CCNH: variants seen among roughly 807,000 people sequenced by gnomAD.
CCNH encodes the protein cyclin-H.
Under a neutral mutation model 41.9 loss-of-function variants are expected in CCNH, and 31 were observed. The observed-to-expected ratio is 0.74, with a 90% CI of 0.56 to 1.00. The LOEUF is 1.00. Ranked by LOEUF, CCNH falls within the 50% of genes least tolerant of loss-of-function variation. The pLI is 0.00. For missense variants in CCNH, 362 were observed against 388.4 expected (o/e 0.93, Z 0.57); for synonymous variants, 138 against 136.1 (o/e 1.01, Z -0.10).
chr5:87,374,063 C>T (rs1761140475), downstream of CCNH: 1 of 1,045,208 alleles, frequency 9.6e-7, no homozygotes, highest in Non-Finnish European at 1.2e-6. Flanking sequence ...GAAAATAAGT[C>T]ATTATTTTTG....
chr5:87,352,511 G>A (rs1759347712), intron 9 of CCNH, among the ~76,000 whole-genome samples: 1 of 151,192 alleles, frequency 6.6e-6, no homozygotes, highest in Non-Finnish European at 1.5e-5. Context: ...AAAAATACGT[G>A]GTTCACTAAA....
At chr5:87,394,224 G>GAT, downstream of CCNH, 1 of 1,193,654 alleles carries the variant, frequency 8.4e-7, no homozygotes, top group Non-Finnish European at 1.0e-6. Flanking sequence ...GCTTTAATTT[G>GAT]ATATTAGTCA....
chr5:87,347,359 A>G (rs905758567), intron 9 of CCNH, among the ~76,000 whole-genome samples: 1 of 152,014 alleles, frequency 6.6e-6, no homozygotes, highest in Non-Finnish European at 1.5e-5. Context: ...ATTGACTTGT[A>G]TTGTGGTTTT....
upstream of CCNH, chr5:87,378,631 T>C (rs1761487753): frequency 7.6e-7 from 1 of 1,311,134 alleles, no homozygotes; most frequent in Non-Finnish European, 1.1e-6. Context: ...GAAAATATAT[T>C]AAATTTCTAA....
intron 9 of CCNH, among the ~76,000 whole-genome samples, chr5:87,353,849 C>T (rs545960367): frequency 2.6e-5 from 4 of 152,210 alleles, no homozygotes; most frequent in South Asian, 2.1e-4. Flanking sequence ...AGTTGCTTAA[C>T]GCTTAGGGTG....
At chr5:87,411,488 C>A (rs1216653178) in intron 1 of CCNH, 142 bp from the exon 2 acceptor site, 3 of 660,236 alleles carry the variant, frequency 4.5e-6, no homozygotes, top group Non-Finnish European at 7.1e-6. Context: ...TATAGATTCG[C>A]TAATCATTAC....
At chr5:87,397,803 C>G (rs1401346993) in intron 7 of CCNH, among the ~76,000 whole-genome samples, 1 of 152,204 alleles carries the variant, frequency 6.6e-6, no homozygotes, top group Non-Finnish European at 1.5e-5. Context: ...GGTGGATAAA[C>G]TTTTTCTTTA....
At chr5:87,360,930 T>A (rs577358089) in intron 9 of CCNH, among the ~76,000 whole-genome samples, 1 of 152,328 alleles carries the variant, frequency 6.6e-6, no homozygotes, top group African/African-American at 2.4e-5. Flanking sequence ...TCTGAATATT[T>A]TAAGTATGTT....
chr5:87,372,908 G>A (rs1171956987), downstream of CCNH, among the ~76,000 whole-genome samples: 1 of 152,110 alleles, frequency 6.6e-6, no homozygotes, highest in Non-Finnish European at 1.5e-5. Flanking sequence ...ACTGGGAGTG[G>A]ATAATGGTTG....
At chr5:87,401,565 C>G in intron 6 of CCNH, 137 bp downstream of exon 6, 1 of 616,874 alleles carries the variant, frequency 1.6e-6, no homozygotes, top group Non-Finnish European at 2.8e-6. Context: ...GTCTTTCATG[C>G]TTCCATAATA....
chr5:87,378,613 A>G, upstream of CCNH: 3 of 1,400,936 alleles, frequency 2.1e-6, no homozygotes, highest in Non-Finnish European at 3.0e-6. Flanking sequence ...AGCCAATTAC[A>G]TTTTAAGGAA....
downstream of CCNH, among the ~76,000 whole-genome samples, chr5:87,388,709 AT>A (rs201488654): frequency 9.0e-3 from 1,371 of 152,308 alleles, 1 homozygote; most frequent in African/African-American, 0.031. Flanking sequence ...TCCACAGATA[AT>A]TGCAAACCTG....
downstream of CCNH, chr5:87,386,915 G>A: frequency 6.2e-7 from 1 of 1,602,814 alleles, no homozygotes; most frequent in Non-Finnish European, 8.5e-7. Context: ...TATGTATATA[G>A]TTTTCAGGTA....
At chr5:87,340,848 A>C (rs965848447) in intron 9 of CCNH, among the ~76,000 whole-genome samples, 1 of 152,182 alleles carries the variant, frequency 6.6e-6, no homozygotes, top group Admixed American at 6.5e-5. Context: ...ATGTGTGACC[A>C]TGGTATAGGA....
upstream of CCNH, among the ~76,000 whole-genome samples, chr5:87,381,582 C>CT (rs1426260999): frequency 6.6e-6 from 1 of 151,998 alleles, no homozygotes; most frequent in African/African-American, 2.4e-5. Flanking sequence ...GCTTCTATTT[C>CT]TTTTTTTGGG....
intron 6 of CCNH, among the ~76,000 whole-genome samples, 156 bp from the exon 7 acceptor site, chr5:87,399,661 T>A (rs1316897096): frequency 6.6e-6 from 1 of 152,232 alleles, no homozygotes; most frequent in East Asian, 1.9e-4. Context: ...TCATTCTACA[T>A]TAAAATCCAA....
intron 9 of CCNH, among the ~76,000 whole-genome samples, chr5:87,361,231 T>TA (rs915779218): frequency 1.3e-5 from 2 of 152,204 alleles, no homozygotes; most frequent in Admixed American, 1.3e-4. Context: ...ACTTTATGTA[T>TA]AAAAAACAGG....
chr5:87,375,512 C>T (rs1013242929), downstream of CCNH, among the ~76,000 whole-genome samples: 14 of 152,134 alleles, frequency 9.2e-5, no homozygotes, highest in Non-Finnish European at 1.6e-4. Context: ...CTGCCGGCCT[C>T]GGCCTCCCAA....
Position 87,411,322 on chromosome 5 carries a change from GA to G in CCNH, c.141del (p.Glu49SerfsTer6), listed in dbSNP as rs1561359490. 6.2e-7 allele frequency: 1 copy of G among 1,611,666 alleles called. No homozygotes were observed. Among genetic ancestry groups the G allele is most frequent in the African/African-American group, 1.3e-5 (1 of 74,924 alleles). On this transcript the variant is annotated frameshift_variant, in exon 2 of 9. Coordinates refer to ENST00000256897, the MANE Select transcript of CCNH (RefSeq NM_001239.4). LOFTEE classifies it high-confidence loss of function. The stretch of plus-strand genomic sequence containing the variant: ...AGTGTCATTTCTTCATGAGGCTCAA[GA>G]AAGACTGGATCATTCGGAAGAACCT... Reference protein sequence around the residue: ...NGKVLPNDPVFLEPHEEMTLC... With the variant: ...NGKVLPNDPVXLEPHEEMTLC...
Sources: allele counts gnomAD v4.1 joint callset (sites outside exome capture counted in the v4.1 genomes callset), GRCh38; gene constraint gnomAD v4.1.1; transcripts MANE v1.5; gene names NCBI Gene and HGNC (gene_info 2026-07-23, HGNC 2026-07-21).